The following GPHN variants were observed in gnomAD, a reference collection of about 807,000 sequenced individuals.
GPHN encodes the protein gephyrin.
In GPHN, 17 loss-of-function variants were observed where a neutral mutation model predicts 95.5. The ratio of observed to expected loss-of-function variants is 0.18; its 90% CI spans 0.12 to 0.27. GPHN has a LOEUF of 0.27. Ranked by LOEUF, GPHN falls within the 10% of genes least tolerant of loss-of-function variation. GPHN has a pLI of 1.00. For synonymous variants in GPHN, 320 were observed against 322.5 expected (o/e 0.99, Z 0.08); for missense variants, 660 against 978.1 (o/e 0.67, Z 4.34).
At chr14:67,553,928 G>A in the GPHN span, among the ~76,000 whole-genome samples, 3 of 152,218 alleles carry the variant, frequency 2.0e-5, no homozygotes, top group African/African-American at 7.2e-5. Context: ...AAGAAGGGAT[G>A]TGGGTATCCT....
intron 2 of GPHN, among the ~76,000 whole-genome samples, chr14:66,682,090 T>A (rs1405993871): frequency 1.3e-5 from 2 of 152,216 alleles, no homozygotes; most frequent in African/African-American, 4.8e-5. Context: ...TCTTTAATGA[T>A]TGACTAGTCA....
intron 4 of GPHN, among the ~76,000 whole-genome samples, chr14:66,861,686 C>T (rs916507772): frequency 6.6e-5 from 10 of 151,944 alleles, no homozygotes; most frequent in East Asian, 1.9e-4. Flanking sequence ...AAATCAATAA[C>T]GAGGAATGTT....
At chr14:67,193,220 CTATA>C in the GPHN span, among the ~76,000 whole-genome samples, 1 of 137,084 alleles carries the variant, frequency 7.3e-6, no homozygotes, top group African/African-American at 2.7e-5. Context: ...AGACATCTAT[CTATA>C]TATCTCTATA....
chr14:66,927,874 C>T (rs1466828456), intron 8 of GPHN, among the ~76,000 whole-genome samples: 1 of 152,152 alleles, frequency 6.6e-6, no homozygotes. Flanking sequence ...ATCCTTCCAT[C>T]CCTGGGATGA....
intron 1 of GPHN, among the ~76,000 whole-genome samples, chr14:66,518,727 A>G (rs537678437): frequency 1.1e-4 from 16 of 152,300 alleles, no homozygotes; most frequent in African/African-American, 3.6e-4. Context: ...GAAATAAGCC[A>G]GGAATGGAAA....
intron 4 of GPHN, among the ~76,000 whole-genome samples, chr14:66,865,487 A>G (rs973467772): frequency 3.9e-5 from 6 of 152,172 alleles, no homozygotes; most frequent in African/African-American, 9.7e-5. Flanking sequence ...TACAAAAAAA[A>G]TTAAAACCAG....
At chr14:67,523,409 TC>T in the GPHN span, among the ~76,000 whole-genome samples, 1 of 152,270 alleles carries the variant, frequency 6.6e-6, no homozygotes, top group African/African-American at 2.4e-5. Context: ...AACTTGTTAT[TC>T]AATTCAACAA....
chr14:67,246,027 C>T, the GPHN span, among the ~76,000 whole-genome samples: 49 of 152,004 alleles, frequency 3.2e-4, no homozygotes, highest in Non-Finnish European at 6.3e-4. Flanking sequence ...CATTGTATTC[C>T]TCTTGTCTCT....
At chr14:67,102,662 A>AAAAAAT (rs1222983801) in intron 13 of GPHN, among the ~76,000 whole-genome samples, 1 of 152,174 alleles carries the variant, frequency 6.6e-6, no homozygotes, top group African/African-American at 2.4e-5. Flanking sequence ...CTCCGTCTCA[A>AAAAAAT]AAAAATAAAA....
chr14:67,245,617 G>A, the GPHN span, among the ~76,000 whole-genome samples: 6 of 152,072 alleles, frequency 3.9e-5, no homozygotes, highest in South Asian at 2.1e-4. Context: ...CTCCCAAAGT[G>A]GTGGGATAAC....
intron 1 of GPHN, among the ~76,000 whole-genome samples, chr14:66,514,838 G>C (rs932805901): frequency 6.6e-6 from 1 of 151,906 alleles, no homozygotes; most frequent in Non-Finnish European, 1.5e-5. Context: ...TCCTTACAAC[G>C]TTTATAAATG....
chr14:67,726,786 C>T, the GPHN span, among the ~76,000 whole-genome samples: 1 of 152,198 alleles, frequency 6.6e-6, no homozygotes, highest in Non-Finnish European at 1.5e-5. Context: ...GATTGCCTTA[C>T]TTGTAGTCTA....
chr14:67,695,928 C>T, the GPHN span: 2 of 552,084 alleles, frequency 3.6e-6, no homozygotes, highest in African/African-American at 1.9e-5. Context: ...CCATCTAGGG[C>T]TTAGGGCCTG....
the GPHN span, among the ~76,000 whole-genome samples, chr14:67,243,131 A>C: frequency 2.4e-3 from 358 of 152,260 alleles, 4 homozygotes; most frequent in African/African-American, 8.1e-3. Context: ...TTCTGATTTC[A>C]GAGTGTCTAG....
chr14:66,866,307 T>C (rs1181372288), intron 4 of GPHN, among the ~76,000 whole-genome samples: 5 of 152,154 alleles, frequency 3.3e-5, no homozygotes, highest in Admixed American at 2.6e-4. Flanking sequence ...GCCAATATTC[T>C]ACCATTAACG....
chr14:67,457,274 A>G, the GPHN span, among the ~76,000 whole-genome samples: 6,731 of 152,230 alleles, frequency 0.044, 347 homozygotes, highest in South Asian at 0.12. Flanking sequence ...CCCTTCAACA[A>G]TTTGAAAAGT....
chr14:67,585,612 T>C, the GPHN span: 1 of 1,584,854 alleles, frequency 6.3e-7, no homozygotes, highest in Non-Finnish European at 8.6e-7. Flanking sequence ...TGTGGATTGC[T>C]GTGAATGAGG....
chr14:66,991,305 A>G (rs1301871901), intron 9 of GPHN, among the ~76,000 whole-genome samples: 1 of 152,166 alleles, frequency 6.6e-6, no homozygotes, highest in Non-Finnish European at 1.5e-5. Flanking sequence ...AAAAATTACT[A>G]CAAATCCTTA....
intron 11 of GPHN, among the ~76,000 whole-genome samples, chr14:67,059,663 A>G (rs2075745903): frequency 1.3e-5 from 2 of 152,324 alleles, no homozygotes; most frequent in Non-Finnish European, 2.9e-5. Flanking sequence ...TCCTTTTACT[A>G]CATAATTGTG....
Sources: allele counts gnomAD v4.1 joint callset (sites outside exome capture counted in the v4.1 genomes callset), GRCh38; gene constraint gnomAD v4.1.1; transcripts MANE v1.5; gene names NCBI Gene and HGNC (gene_info 2026-07-23, HGNC 2026-07-21).